The following CENATAC variants were observed in gnomAD, a reference collection of about 807,000 sequenced individuals.
The protein encoded by CENATAC is coiled-coil domain containing 84.
A neutral mutation model predicts 53.7 loss-of-function variants in CENATAC; 53 were observed. The ratio of observed to expected loss-of-function variants is 0.99; its 90% CI spans 0.79 to 1.24. The LOEUF (loss-of-function observed/expected upper bound fraction) is 1.24. Ranked by LOEUF, CENATAC falls within the 50% of genes most tolerant of loss-of-function variation. The pLI, the probability that CENATAC is intolerant of heterozygous loss-of-function variation, is 0.00. For missense variants in CENATAC, 474 were observed against 417.8 expected (o/e 1.13, Z -1.17); for synonymous variants, 156 against 144.6 (o/e 1.08, Z -0.57).
intron 3 of CENATAC, among the ~76,000 whole-genome samples, chr11:119,006,673 C>A (rs11217121): frequency 0.032 from 4,841 of 152,282 alleles, 248 homozygotes; most frequent in African/African-American, 0.11. Context: ...CTGGCTTAGT[C>A]CACCTATTTC....
intron 10 of CENATAC, 39 bp downstream of exon 10, chr11:119,015,478 C>G (rs1943120833): frequency 6.2e-7 from 1 of 1,613,814 alleles, no homozygotes; most frequent in African/African-American, 1.3e-5. Context: ...CCTACCCATC[C>G]AACCTCCTTT....
At chr11:119,004,832 G>A (rs1942500441) in intron 3 of CENATAC, 1 of 152,678 alleles carries the variant, frequency 6.5e-6, no homozygotes, top group Admixed American at 6.6e-5. Context: ...GGCTGAGACA[G>A]AGGATCATTT....
At chr11:118,998,695 G>T in intron 2 of CENATAC, 102 bp downstream of exon 2, 2 of 1,392,682 alleles carry the variant, frequency 1.4e-6, no homozygotes, top group Non-Finnish European at 1.9e-6. Flanking sequence ...ATTTGATCAA[G>T]AAGGATGGAT....
chr11:119,008,300 T>C (rs1055015434), intron 3 of CENATAC, among the ~76,000 whole-genome samples: 17 of 152,222 alleles, frequency 1.1e-4, no homozygotes, highest in Non-Finnish European at 2.2e-4. Flanking sequence ...TATTTTTCAT[T>C]ATTTCAGCAA....
chr11:118,999,073 A>G lies in CENATAC; in HGVS notation c.347A>G (p.Lys116Arg). ...WWENKAEVQM[K>R]EKFLVTPQDY... ...GAGAACAAAGCTGAGGTCCAGATGA[A>G]AGAGAAGTTTCTGGTCACTCCCCAG... The change falls in exon 3 of 11, where the codon AAA (lysine) becomes AGA (arginine). Residue 116 changes from lysine to arginine, a missense_variant. Transcript: ENST00000334418. The G allele has an allele frequency of 3.1e-6, 5 of 1,614,164 alleles. No homozygotes were observed. Among genetic ancestry groups the G allele is most frequent in the Non-Finnish European group, 3.4e-6 (4 of 1,180,018 alleles).
At chr11:119,002,633 C>T (rs922780860) in intron 3 of CENATAC, among the ~76,000 whole-genome samples, 16 of 151,720 alleles carry the variant, frequency 1.1e-4, no homozygotes, top group Non-Finnish European at 1.3e-4. Context: ...CCACCACACC[C>T]GGCCTAGAAA....
Position 118,999,053 on chromosome 11 carries a change from C to T in CENATAC, c.327C>T (p.Asn109=). 1 of 1,614,098 alleles carries T rather than the reference C, an allele frequency of 6.2e-7. No homozygotes were observed. The highest frequency in any genetic ancestry group is 8.5e-7 in the Non-Finnish European group (1 of 1,179,998). ...KKATNKFWWE[N]KAEVQMKEKF... ...CAACCAACAAATTCTGGTGGGAGAA[C>T]AAAGCTGAGGTCCAGATGAAAGAGA... The change falls in exon 3 of 11, where the codon AAC becomes AAT. Residue 109 remains asparagine (N), a synonymous_variant. Coordinates refer to ENST00000334418, the MANE Select transcript of CENATAC (RefSeq NM_198489.3).
At chr11:119,009,843 C>G (rs1160023254) in intron 3 of CENATAC, 1 of 152,174 alleles carries the variant, frequency 6.6e-6, no homozygotes, top group African/African-American at 2.4e-5. Flanking sequence ...AGGGAGGTGA[C>G]AGTACAAATT....
rs917300831 is a variant in CENATAC at position 119,011,354 on chromosome 11, T to C, written c.513+71T>C. On this transcript the variant is annotated intron_variant, in intron 5 of 10. Transcript: ENST00000334418. The stretch of plus-strand genomic sequence containing the variant: ...TCCCTGGCATTCCCAGGTCCAGCAT[T>C]TCATGGACTAGTGCTTCTTCTTCTT... 4 of 1,400,110 alleles carry C rather than the reference T, an allele frequency of 2.9e-6. No individual in the cohort carries two copies. The Admixed American group carries it at 5.3e-5, about 19-fold the overall frequency. The allele number at this position is 1,400,110 out of a possible 1,614,324, so 86.7% of individuals were successfully genotyped here.
chr11:119,001,942 G>A, intron 3 of CENATAC: 1 of 237,698 alleles, frequency 4.2e-6, no homozygotes, highest in South Asian at 4.9e-5. Context: ...TTGATCACAT[G>A]GCCATGCTCA....
intron 2 of CENATAC, 101 bp downstream of exon 2, chr11:118,998,694 A>G: frequency 7.2e-7 from 1 of 1,391,878 alleles, no homozygotes. Context: ...GATTTGATCA[A>G]GAAGGATGGA....
chr11:119,003,808 G>C (rs1390459181), intron 3 of CENATAC: 1 of 150,542 alleles, frequency 6.6e-6, no homozygotes, highest in Non-Finnish European at 1.4e-5. Flanking sequence ...TAGTAGAGAT[G>C]GGGTTTTACC....
chr11:119,006,912 G>A (rs1015398852), intron 3 of CENATAC, among the ~76,000 whole-genome samples: 3 of 152,076 alleles, frequency 2.0e-5, no homozygotes, highest in Admixed American at 1.3e-4. Flanking sequence ...ATTCTCTCTG[G>A]CCTGCCACCA....
At chr11:119,002,782 G>GA (rs1478973920) in intron 3 of CENATAC, among the ~76,000 whole-genome samples, 7 of 149,222 alleles carry the variant, frequency 4.7e-5, no homozygotes, top group South Asian at 4.3e-4. Context: ...GAATCCAATA[G>GA]AAATATTTCA....
chr11:119,012,178 C>T lies in CENATAC; in HGVS notation c.608C>T (p.Ser203Leu), dbSNP rs782632466. Residue 203 changes from serine to leucine, a missense_variant, in exon 7 of 11, where the codon TCA becomes TTA. Ser to Leu is a moderately radical substitution (Grantham distance 145). Coordinates refer to ENST00000334418, the MANE Select transcript of CENATAC (RefSeq NM_198489.3). Reference protein sequence around the residue: ...SQVASSLQQPSNLDLPPAPEL... With the variant: ...SQVASSLQQPLNLDLPPAPEL... Reference sequence around the variant, plus strand: ...GTAGCTTCCAGCTTACAGCAGCCCTCAAATTTGGACCTGCCACCAGCTCCA... The same window carrying T: ...GTAGCTTCCAGCTTACAGCAGCCCTTAAATTTGGACCTGCCACCAGCTCCA... 86 of 1,614,068 alleles carry T rather than the reference C, an allele frequency of 5.3e-5. 1 individual carries two copies. The highest frequency in any genetic ancestry group is 1.7e-6 in the Non-Finnish European group (2 of 1,180,042).
Position 119,012,164 on chromosome 11 carries a change from C to A in CENATAC, c.594C>A (p.Ser198Arg). Reference protein sequence around the residue: ...WKGMNSQVASSLQQPSNLDLP... With the variant: ...WKGMNSQVASRLQQPSNLDLP... ...TGTTTTTCAGCCAAGTAGCTTCCAG[C>A]TTACAGCAGCCCTCAAATTTGGACC... Residue 198 changes from serine (S) to arginine (R), a missense_variant, in exon 7 of 11, where the codon AGC becomes AGA. By Grantham distance (110) the Ser-to-Arg change is moderately radical. Coordinates refer to ENST00000334418, the MANE Select transcript of CENATAC (RefSeq NM_198489.3). 6.2e-7 allele frequency: 1 copy of A among 1,614,230 alleles called. No homozygotes were observed. The highest frequency in any genetic ancestry group is 1.3e-5 in the African/African-American group (1 of 75,066).
intron 4 of CENATAC, 77 bp from the exon 5 acceptor site, chr11:119,011,144 C>T: frequency 7.6e-7 from 1 of 1,307,794 alleles, no homozygotes; most frequent in Non-Finnish European, 1.1e-6. Flanking sequence ...GGGTGGAGGG[C>T]CCAAGTTAAA....
At position 119,011,951 on chromosome 11, in the gene CENATAC, C is replaced by A; in HGVS notation, c.526C>A (p.Pro176Thr). Residue 176 changes from proline (P) to threonine (T), a missense_variant, in exon 6 of 11, where the codon CCA becomes ACA. By Grantham distance (38) the Pro-to-Thr change is conservative. Transcript: ENST00000334418. ...GAATCAAACTCAGCCTCAGGCAGTG[C>A]CAGACCCAGAAGAGGGCTCTTCAGC... ...VRSVLEPQAV[P>T]DPEEGSSAPR... The A allele has an allele frequency of 6.2e-7, 1 of 1,614,030 alleles. No individual in the cohort carries two copies. The highest frequency in any genetic ancestry group is 8.5e-7 in the Non-Finnish European group (1 of 1,179,942).
chr11:119,005,171 A>G (rs1942522678), intron 3 of CENATAC, among the ~76,000 whole-genome samples: 1 of 152,134 alleles, frequency 6.6e-6, no homozygotes, highest in Non-Finnish European at 1.5e-5. Context: ...GTCCTCAAAT[A>G]AATAAAAATT....
Sources: gnomAD v4.1 joint callset for allele counts (sites outside exome capture counted in the v4.1 genomes callset) on GRCh38, gnomAD v4.1.1 for gene constraint, MANE v1.5 for transcripts, NCBI Gene and HGNC (gene_info 2026-07-23, HGNC 2026-07-21) for gene names.